Variants in KIR3DL2 observed in about 807,000 individuals in gnomAD.
KIR3DL2 encodes killer cell immunoglobulin like receptor, three Ig domains and long cytoplasmic tail 2.
A neutral mutation model predicts 41.6 loss-of-function variants in KIR3DL2; 42 were observed. That is an observed-to-expected ratio of 1.01 (90% CI 0.79 to 1.31). The LOEUF (loss-of-function observed/expected upper bound fraction) is 1.31, where lower values mean the gene tolerates loss of function less well. KIR3DL2 is among the 50% of genes most tolerant of loss of function. KIR3DL2 has a pLI of 0.00. For synonymous variants in KIR3DL2, 230 were observed against 221.3 expected (o/e 1.04, Z -0.35); for missense variants, 728 against 576.8 (o/e 1.26, Z -2.68).
chr19:54,851,146 C>G, intron 1 of KIR3DL2, 74 bp from the exon 2 acceptor site: 2 of 1,572,228 alleles, frequency 1.3e-6, no homozygotes, highest in African/African-American at 1.4e-5. Flanking sequence ...TGCCAAGACA[C>G]ACAGTGCAGT....
intron 6 of KIR3DL2, among the ~76,000 whole-genome samples, chr19:54,861,024 C>A (rs1322975883): frequency 7.1e-6 from 1 of 141,698 alleles, no homozygotes; most frequent in African/African-American, 2.6e-5. Flanking sequence ...ACCAGGAATC[C>A]CTACATGATT....
At chr19:54,856,005 G>A in intron 5 of KIR3DL2, 93 bp downstream of exon 5, 4 of 1,470,608 alleles carry the variant, frequency 2.7e-6, no homozygotes, top group Non-Finnish European at 3.7e-6. Context: ...ATGGACAGAT[G>A]CAGAGAGAAC....
At chr19:54,864,267 G>A (rs2065361456) in intron 6 of KIR3DL2, among the ~76,000 whole-genome samples, 1 of 152,090 alleles carries the variant, frequency 6.6e-6, no homozygotes, top group Non-Finnish European at 1.5e-5. Flanking sequence ...TAGCCTTGTA[G>A]TATAGTTTGA....
At chr19:54,865,116 C>G (rs1569527180) in intron 6 of KIR3DL2, among the ~76,000 whole-genome samples, 1 of 151,944 alleles carries the variant, frequency 6.6e-6, no homozygotes, top group Non-Finnish European at 1.5e-5. Context: ...TTGAGATAGT[C>G]GTCCGGTTTT....
In KIR3DL2 at chr19:54,853,805, G is replaced by A. The variant is rs2064496388; in HGVS notation, c.414G>A (p.Glu138=). Reference sequence around the variant, plus strand: ...CAGGGCCCCTGCTGAAATCAGGAGAGACAGTCATCCTGCAATGTTGGTCAG... The same window carrying A: ...CAGGGCCCCTGCTGAAATCAGGAGAAACAGTCATCCTGCAATGTTGGTCAG... The part of the protein sequence containing the change: ...AHPGPLLKSG[E]TVILQCWSDV... Residue 138 remains glutamate, a synonymous_variant, in exon 4 of 9, where the codon GAG becomes GAA. Transcript: ENST00000326321. 1 of 1,612,388 alleles carries A rather than the reference G, an allele frequency of 6.2e-7. No homozygotes were observed.
intron 4 of KIR3DL2, among the ~76,000 whole-genome samples, chr19:54,854,733 A>G (rs1601754065): frequency 1.3e-5 from 2 of 151,930 alleles, no homozygotes; most frequent in South Asian, 4.1e-4. Context: ...GGATTGAGAG[A>G]CTCACAGACA....
rs920394404 is a variant in KIR3DL2 at position 54,866,429 on chromosome 19, C to T, written c.1158+7C>T. On this transcript the variant is annotated splice_region_variant and intron_variant, in intron 8 of 8. Coordinates refer to ENST00000326321, the MANE Select transcript of KIR3DL2 (RefSeq NM_006737.4). Reference sequence around the variant, plus strand: ...CAGAACAGTGAATAGGCAGGTAGGTCCTCCTCGGCCCAGCCTCACGGATAC... The same window carrying T: ...CAGAACAGTGAATAGGCAGGTAGGTTCTCCTCGGCCCAGCCTCACGGATAC... The T allele has an allele frequency of 1.2e-6, 2 of 1,613,744 alleles. No homozygotes were observed. The highest frequency in any genetic ancestry group is 8.5e-7 in the Non-Finnish European group (1 of 1,179,890).
chr19:54,851,948 G>A (rs778477203), intron 2 of KIR3DL2, 50 bp from the exon 3 acceptor site: 4 of 1,590,144 alleles, frequency 2.5e-6, no homozygotes, highest in African/African-American at 2.7e-5. Flanking sequence ...CAGGGAGGGA[G>A]GGGTGGCTCC....
chr19:54,855,787 C>T lies in KIR3DL2; in HGVS notation c.824C>T (p.Thr275Ile), dbSNP rs764741512. The T allele has an allele frequency of 1.8e-5, 29 of 1,613,474 alleles. No individual in the cohort carries two copies. In the South Asian group the frequency reaches 3.1e-4, roughly 17 times the overall value. Residue 275 changes from threonine to isoleucine, a missense_variant, in exon 5 of 9, where the codon ACA becomes ATA. By Grantham distance (89) the Thr-to-Ile change is moderately conservative (BLOSUM62 -1). Coordinates refer to ENST00000326321, the MANE Select transcript of KIR3DL2 (RefSeq NM_006737.4). The stretch of plus-strand genomic sequence containing the variant: ...CGTGCAGTGCCCAAGGTCAACAGAA[C>T]ATTCCAGGCAGACTTTCCTCTGGGC... ...RLRAVPKVNR[T>I]FQADFPLGPA... is the part of the protein sequence containing the mutation.
intron 5 of KIR3DL2, 90 bp downstream of exon 5, chr19:54,856,002 G>A: frequency 1.4e-6 from 2 of 1,472,576 alleles, no homozygotes; most frequent in Non-Finnish European, 1.9e-6. Context: ...AGCATGGACA[G>A]ATGCAGAGAG....
Position 54,866,691 on chromosome 19 carries a change from G to A in KIR3DL2, c.1328G>A (p.Cys443Tyr). ...NAEPRSKVVS[C>Y]PRAPQSGLEG... ...GAGCCCAGATCCAAAGTTGTCTCCT[G>A]CCCACGAGCACCACAGTCAGGTCTT... Residue 443 changes from cysteine to tyrosine, a missense_variant, in exon 9 of 9, where the codon TGC (cysteine) becomes TAC (tyrosine). Coordinates refer to ENST00000326321, the MANE Select transcript of KIR3DL2 (RefSeq NM_006737.4). The A allele has an allele frequency of 6.2e-7, 1 of 1,613,954 alleles. No individual in the cohort carries two copies. The highest frequency in any genetic ancestry group is 8.5e-7 in the Non-Finnish European group (1 of 1,179,962).
rs2064489354 is a variant in KIR3DL2 at position 54,853,752 on chromosome 19, C to T, written c.361C>T (p.His121Tyr). The T allele has an allele frequency of 6.2e-7, 1 of 1,609,744 alleles. No homozygotes were observed. Residue 121 changes from histidine to tyrosine, a missense_variant, in exon 4 of 9, where the codon CAC (histidine) becomes TAC (tyrosine). Transcript: ENST00000326321. ...CTCACAACTTCTCTTTCTAGGAAACCACAGAAAACCTTCCCTCCTGGCCCA... is the reference window on the plus strand; with the variant it reads ...CTCACAACTTCTCTTTCTAGGAAACTACAGAAAACCTTCCCTCCTGGCCCA... Reference protein sequence around the residue: ...NPLVIMVTGNHRKPSLLAHPG... With the variant: ...NPLVIMVTGNYRKPSLLAHPG...
At chr19:54,860,209 C>T (rs1289826488) in intron 6 of KIR3DL2, among the ~76,000 whole-genome samples, 1 of 152,056 alleles carries the variant, frequency 6.6e-6, no homozygotes, top group African/African-American at 2.4e-5. Flanking sequence ...CAACATTCTC[C>T]TGCCTTCCAC....
At chr19:54,865,029 C>G (rs1388366089) in intron 6 of KIR3DL2, among the ~76,000 whole-genome samples, 1 of 151,976 alleles carries the variant, frequency 6.6e-6, no homozygotes, top group Admixed American at 6.6e-5. Flanking sequence ...TGAGATACGT[C>G]CCATCAATGC....
At chr19:54,856,545 A>C (rs2145630955) in intron 5 of KIR3DL2, among the ~76,000 whole-genome samples, 1 of 151,972 alleles carries the variant, frequency 6.6e-6, no homozygotes, top group East Asian at 1.9e-4. Flanking sequence ...TTAGCCAAGC[A>C]TGCCGGCATG....
chr19:54,866,926 A>G lies in KIR3DL2; in HGVS notation c.*195A>G, dbSNP rs1340277679. The G allele has an allele frequency of 6.0e-6, 4 of 663,064 alleles. No homozygotes were observed. Among genetic ancestry groups the G allele is most frequent in the Non-Finnish European group, 1.0e-5 (4 of 393,630 alleles). The allele number at this position is 663,064 out of a possible 1,614,324, so 41.1% of individuals were successfully genotyped here. A position where few individuals can be genotyped will look rare whatever the true frequency, so the allele number is the denominator to read the frequency against. ...GAAAACACACTCCTTTGCTTAGCCCACAAGTATCTATTTCACTTGACCCCT... is the reference window on the plus strand; with the variant it reads ...GAAAACACACTCCTTTGCTTAGCCCGCAAGTATCTATTTCACTTGACCCCT... On this transcript the variant is annotated 3_prime_UTR_variant, in exon 9 of 9. Transcript: ENST00000326321.
Position 54,852,233 on chromosome 19 carries a change from C to T in KIR3DL2, c.306C>T (p.Ser102=). The part of the protein sequence containing the change: ...TYRCRGSRPH[S]LTGWSAPSNP... The stretch of plus-strand genomic sequence containing the variant: ...GATGTCGGGGTTCACGCCCACACTC[C>T]CTCACTGGGTGGTCGGCACCCAGCA... The change falls in exon 3 of 9, where the codon TCC becomes TCT. Residue 102 remains serine, a synonymous_variant. Coordinates refer to ENST00000326321, the MANE Select transcript of KIR3DL2 (RefSeq NM_006737.4). The T allele has an allele frequency of 1.2e-6, 2 of 1,611,310 alleles. No individual in the cohort carries two copies. The highest frequency in any genetic ancestry group is 1.7e-6 in the Non-Finnish European group (2 of 1,178,610).
intron 1 of KIR3DL2, 79 bp from the exon 2 acceptor site, chr19:54,851,141 A>C: frequency 6.4e-7 from 1 of 1,560,698 alleles, no homozygotes; most frequent in South Asian, 1.1e-5. Flanking sequence ...CTGGCTGCCA[A>C]GACACACAGT....
In KIR3DL2 at chr19:54,851,235, A is replaced by T; in HGVS notation, c.50A>T (p.Gln17Leu). 6.2e-7 allele frequency: 1 copy of T among 1,609,706 alleles called. No individual in the cohort carries two copies. Among genetic ancestry groups the T allele is most frequent in the Admixed American group, 1.7e-5 (1 of 59,808 alleles). Reference sequence around the variant, plus strand: ...TTCTTTCCAGGGTTCTTCTTGCTGCAGGGGGCCTGGCCACTCATGGGTGAG... The same window carrying T: ...TTCTTTCCAGGGTTCTTCTTGCTGCTGGGGGCCTGGCCACTCATGGGTGAG... ...SMACVGFFLL[Q>L]GAWPLMGGQD... Residue 17 changes from glutamine to leucine, a missense_variant, in exon 2 of 9, where the codon CAG becomes CTG. Gln to Leu is a moderately radical substitution (Grantham distance 113, BLOSUM62 -2). Coordinates refer to ENST00000326321, the MANE Select transcript of KIR3DL2 (RefSeq NM_006737.4).
Sources: gnomAD v4.1 joint callset for allele counts (sites outside exome capture counted in the v4.1 genomes callset) on GRCh38, gnomAD v4.1.1 for gene constraint, MANE v1.5 for transcripts, NCBI Gene and HGNC (gene_info 2026-07-23, HGNC 2026-07-21) for gene names.